DSCAM: variants seen among roughly 807,000 people sequenced by gnomAD.
DSCAM encodes DS cell adhesion molecule.
In DSCAM, 47 loss-of-function variants were observed where a neutral mutation model predicts 217.7. That is an observed-to-expected ratio of 0.22 (90% CI 0.17 to 0.28). The LOEUF (loss-of-function observed/expected upper bound fraction) is 0.28, where lower values mean the gene tolerates loss of function less well. Among genes scored for constraint, DSCAM ranks in the 10% least tolerant of loss-of-function variants. DSCAM has a pLI of 1.00. For missense variants in DSCAM, 2,080 were observed against 2,618.3 expected (o/e 0.79, Z 4.49); for synonymous variants, 1,056 against 1,015.3 (o/e 1.04, Z -0.76).
intron 10 of DSCAM, among the ~76,000 whole-genome samples, chr21:40,291,863 G>A (rs771988169): frequency 1.3e-5 from 2 of 152,194 alleles, no homozygotes; most frequent in Non-Finnish European, 2.9e-5. Context: ...GAGAGCAAAG[G>A]AGGCCCAGGC....
At chr21:40,085,065 G>A (rs1236457095) in intron 23 of DSCAM, among the ~76,000 whole-genome samples, 2 of 152,158 alleles carry the variant, frequency 1.3e-5, no homozygotes, top group African/African-American at 4.8e-5. Context: ...ATTTTAACAT[G>A]ACAATCTTTT....
chr21:40,348,950 G>A (rs1406796833), intron 5 of DSCAM, among the ~76,000 whole-genome samples: 5 of 151,596 alleles, frequency 3.3e-5, no homozygotes, highest in Admixed American at 1.3e-4. Context: ...GACCATCCTG[G>A]CTAACACAGT....
At chr21:40,742,502 G>A (rs2091133875) in intron 1 of DSCAM, among the ~76,000 whole-genome samples, 1 of 152,210 alleles carries the variant, frequency 6.6e-6, no homozygotes, top group South Asian at 2.1e-4. Context: ...TTTTCATCCA[G>A]TGAAAGTGAT....
At chr21:40,113,626 C>T (rs2089928901) in intron 20 of DSCAM, among the ~76,000 whole-genome samples, 2 of 152,262 alleles carry the variant, frequency 1.3e-5, no homozygotes, top group Admixed American at 6.5e-5. Flanking sequence ...CAAATTGTCC[C>T]TGTTTGCAGA....
chr21:40,778,600 C>G (rs1315487488), intron 1 of DSCAM, among the ~76,000 whole-genome samples: 1 of 151,976 alleles, frequency 6.6e-6, no homozygotes, highest in Non-Finnish European at 1.5e-5. Flanking sequence ...TATATACATT[C>G]TAAGTAAGTA....
intron 3 of DSCAM, among the ~76,000 whole-genome samples, chr21:40,369,864 T>C (rs377075683): frequency 6.6e-6 from 1 of 152,176 alleles, no homozygotes; most frequent in East Asian, 1.9e-4. Context: ...ATTCAGTGTT[T>C]TAGAATACTC....
In DSCAM at chr21:40,342,610, ATGTGTG is replaced by A. The variant is rs58080164; in HGVS notation, c.1211-3201_1211-3196del. On this transcript the variant is annotated intron_variant, in intron 6 of 32. Transcript: ENST00000400454. Reference sequence around the variant, plus strand: ...GAAAAGGTACATATAGTATGTGTATATGTGTGTGTGTGTGTGTATATATATATATAT... The same window carrying A: ...GAAAAGGTACATATAGTATGTGTATATGTGTGTGTGTATATATATATATAT... Among the ~76,000 whole-genome samples, 9 of 116,890 alleles carry A rather than the reference ATGTGTG, an allele frequency of 7.7e-5. 1 individual carries two copies. Among genetic ancestry groups the A allele is most frequent in the African/African-American group, 3.3e-4 (9 of 27,426 alleles). 76.7% of individuals were successfully genotyped at this position (116,890 alleles called of 152,430 possible). A position where few individuals can be genotyped will look rare whatever the true frequency, so the allele number is the denominator to read the frequency against.
intron 3 of DSCAM, among the ~76,000 whole-genome samples, chr21:40,479,916 GCACA>G (rs750321101): frequency 3.2e-4 from 48 of 152,082 alleles, no homozygotes; most frequent in Non-Finnish European, 6.5e-4. Flanking sequence ...ATGCATGTAC[GCACA>G]CACAAACTCA....
At chr21:40,252,536 GGA>G (rs1348173791) in intron 11 of DSCAM, among the ~76,000 whole-genome samples, 1 of 152,118 alleles carries the variant, frequency 6.6e-6, no homozygotes, top group Admixed American at 6.5e-5. Flanking sequence ...GTTGGGATAA[GGA>G]GAGATTTTTC....
intron 1 of DSCAM, among the ~76,000 whole-genome samples, chr21:40,811,099 A>G (rs2091834172): frequency 1.3e-5 from 2 of 152,148 alleles, no homozygotes; most frequent in Admixed American, 1.3e-4. Context: ...ATAATATGGG[A>G]AGGCTCAGTG....
At chr21:40,139,590 C>G (rs1247088539) in intron 18 of DSCAM, among the ~76,000 whole-genome samples, 4 of 151,930 alleles carry the variant, frequency 2.6e-5, no homozygotes, top group East Asian at 3.9e-4. Flanking sequence ...CAGTTTCCAG[C>G]TTGACTTTTC....
intron 30 of DSCAM, among the ~76,000 whole-genome samples, chr21:40,045,280 G>C (rs1568910214): frequency 6.6e-6 from 1 of 152,222 alleles, no homozygotes; most frequent in South Asian, 2.1e-4. Context: ...TCCTAAAGCA[G>C]AGGGACCATA....
chr21:40,246,566 G>C (rs1320811389), intron 11 of DSCAM, among the ~76,000 whole-genome samples: 1 of 151,308 alleles, frequency 6.6e-6, no homozygotes, highest in Non-Finnish European at 1.5e-5. Context: ...GAGGCCCCAG[G>C]AGAGCAGGAT....
intron 3 of DSCAM, among the ~76,000 whole-genome samples, chr21:40,485,092 A>G (rs940500255): frequency 7.9e-5 from 12 of 151,962 alleles, no homozygotes; most frequent in Non-Finnish European, 1.8e-4. Flanking sequence ...TCCTCCGCCT[A>G]CATCAATTTC....
chr21:40,268,122 C>T (rs2073565348), intron 11 of DSCAM, among the ~76,000 whole-genome samples: 1 of 152,218 alleles, frequency 6.6e-6, no homozygotes, highest in Non-Finnish European at 1.5e-5. Context: ...CGTATGCACA[C>T]CTTGCTTTCT....
At chr21:40,504,609 A>G (rs1433975714) in intron 3 of DSCAM, among the ~76,000 whole-genome samples, 5 of 152,218 alleles carry the variant, frequency 3.3e-5, no homozygotes, top group Admixed American at 3.3e-4. Flanking sequence ...GGCGATGCGA[A>G]AGGCTCAAAT....
At chr21:40,397,427 A>G (rs542773568) in intron 3 of DSCAM, among the ~76,000 whole-genome samples, 1 of 152,054 alleles carries the variant, frequency 6.6e-6, no homozygotes, top group Non-Finnish European at 1.5e-5. Context: ...ACCGTGTGAC[A>G]TGCCTGTTCC....
At chr21:40,105,393 C>T (rs551117786) in intron 20 of DSCAM, among the ~76,000 whole-genome samples, 36 of 152,290 alleles carry the variant, frequency 2.4e-4, no homozygotes, top group African/African-American at 7.7e-4. Context: ...CCCCATGTGC[C>T]GTGGGAGGGA....
At chr21:40,058,707 C>A (rs1055578594) in intron 28 of DSCAM, among the ~76,000 whole-genome samples, 1 of 152,174 alleles carries the variant, frequency 6.6e-6, no homozygotes, top group Non-Finnish European at 1.5e-5. Context: ...TCACTTTTGA[C>A]AATCTATTGT....
Sources: allele counts gnomAD v4.1 joint callset (sites outside exome capture counted in the v4.1 genomes callset), GRCh38; gene constraint gnomAD v4.1.1; transcripts MANE v1.5; gene names NCBI Gene and HGNC (gene_info 2026-07-23, HGNC 2026-07-21).